RBMX2: variants seen among roughly 807,000 people sequenced by gnomAD.
The protein encoded by RBMX2 is RNA binding motif protein X-linked 2.
For missense variants in RBMX2, 191 were observed against 256.0 expected, an observed-to-expected ratio of 0.75 and a Z score of 1.73; for synonymous variants, 77 against 94.3, an observed-to-expected ratio of 0.82 and a Z score of 1.07.
At chrX:130,410,114 T>C in intron 4 of RBMX2, among the ~76,000 whole-genome samples, 1 of 111,519 alleles carries the variant, frequency 9.0e-6, no homozygotes, top group South Asian at 3.8e-4. Context: ...AGCTGGAGAT[T>C]ATAGAACAGA....
intron 1 of RBMX2, 30 bp from the exon 2 acceptor site, chrX:130,402,225 A>ACCCCGCCC: frequency 1.0e-6 from 1 of 984,795 alleles, no homozygotes; most frequent in Non-Finnish European, 1.4e-6. Context: ...TTTTCTGCCT[A>ACCCCGCCC]CCCTCCCCAC....
chrX:130,402,224 T>TTGCCC, intron 1 of RBMX2, 31 bp from the exon 2 acceptor site: 7 of 1,174,234 alleles, frequency 6.0e-6, no homozygotes, highest in South Asian at 1.9e-5. Context: ...CTTTTCTGCC[T>TTGCCC]ACCCTCCCCA....
Position 130,402,241 on chromosome X carries a change from C to G in RBMX2, c.6-14C>G, listed in dbSNP as rs775019578. The G allele has an allele frequency of 4.2e-6, 5 of 1,188,436 alleles. No individual in the cohort carries two copies. Among genetic ancestry groups the G allele is most frequent in the East Asian group, 6.0e-5 (2 of 33,288 alleles). On this transcript the variant is annotated splice_polypyrimidine_tract_variant and intron_variant, in intron 1 of 5. Coordinates refer to ENST00000305536, the MANE Select transcript of RBMX2 (RefSeq NM_016024.4). ...TTTCTGCCTACCCTCCCCACCCCCC[C>G]CGCCACCGTGAAGCCCTTTAACTAA...
At chrX:130,409,223 T>C in intron 3 of RBMX2, 34 bp from the exon 4 acceptor site, 1 of 1,158,612 alleles carries the variant, frequency 8.6e-7, no homozygotes, top group Middle Eastern at 3.0e-4. Flanking sequence ...GCCTTTTAAG[T>C]CAACAGTGTC....
chrX:130,406,198 T>C (rs1603271363), intron 3 of RBMX2, among the ~76,000 whole-genome samples: 1 of 110,298 alleles, frequency 9.1e-6, no homozygotes. Flanking sequence ...AACATCTGTT[T>C]ATAGATTTGC....
Position 130,412,540 on chromosome X carries a change from G to A in RBMX2, c.661G>A (p.Gly221Arg), listed in dbSNP as rs199972296. The A allele has an allele frequency of 2.3e-4, 279 of 1,206,259 alleles. No individual in the cohort carries two copies. Among genetic ancestry groups the A allele is most frequent in the Non-Finnish European group, 3.0e-4 (266 of 894,260 alleles). ...ERAQKSEPRE[G>R]QKLPKSRTAY... Reference sequence around the variant, plus strand: ...AGCTCAGAAGTCAGAGCCCAGGGAGGGGCAGAAGCTCCCCAAATCCAGGAC... The same window carrying A: ...AGCTCAGAAGTCAGAGCCCAGGGAGAGGCAGAAGCTCCCCAAATCCAGGAC... The change falls in exon 6 of 6, where the codon GGG (glycine) becomes AGG (arginine). Residue 221 changes from glycine (G) to arginine (R), a missense_variant. Physicochemically the swap from Gly to Arg is moderately radical, Grantham distance 125. Coordinates refer to ENST00000305536, the MANE Select transcript of RBMX2 (RefSeq NM_016024.4).
At position 130,412,584 on chromosome X, in the gene RBMX2, A is replaced by G; in HGVS notation, c.705A>G (p.Ala235=). 4 of 1,209,522 alleles carry G rather than the reference A, an allele frequency of 3.3e-6. No individual in the cohort carries two copies. ...PKSRTAYSGG[A]EDLERELKKE... is the part of the protein sequence containing the mutation. The stretch of plus-strand genomic sequence containing the variant: ...CCAGGACGGCCTACTCTGGTGGAGC[A>G]GAGGACCTAGAGAGGGAGCTGAAGA... Residue 235 remains alanine (A), a synonymous_variant, in exon 6 of 6, where the codon GCA becomes GCG. Transcript: ENST00000305536.
At chrX:130,405,837 T>C (rs868591837) in intron 3 of RBMX2, among the ~76,000 whole-genome samples, 1 of 17,624 alleles carries the variant, frequency 5.7e-5, no homozygotes, top group Admixed American at 6.0e-4. Context: ...CTTTGCCTTT[T>C]TTTTTTTTTT....
chrX:130,408,745 G>A (rs975361333), intron 3 of RBMX2, among the ~76,000 whole-genome samples: 3 of 111,455 alleles, frequency 2.7e-5, no homozygotes, highest in Non-Finnish European at 5.6e-5. Context: ...AGATATCTAT[G>A]TATCTAATAG....
At chrX:130,412,265 C>T (rs2034517035) in intron 5 of RBMX2, 96 bp from the exon 6 acceptor site, 5 of 1,015,013 alleles carry the variant, frequency 4.9e-6, no homozygotes, top group East Asian at 3.2e-5. Flanking sequence ...GTTGATGTAA[C>T]GTATTCAGAA....
rs763754000 is a variant in RBMX2 at position 130,409,186 on chromosome X, G to T, written c.174-71G>T. On this transcript the variant is annotated intron_variant, in intron 3 of 5. Coordinates refer to ENST00000305536, the MANE Select transcript of RBMX2 (RefSeq NM_016024.4). ...GTATACACTATATTATTTGAATTTT[G>T]TTTTATTACCTTATCTGCATGTTTT... 7 of 975,394 alleles carry T rather than the reference G, an allele frequency of 7.2e-6. No individual in the cohort carries two copies. The East Asian group carries it at 2.3e-4, about 31-fold the overall frequency. 80.4% of individuals were successfully genotyped at this position (975,394 alleles called of 1,213,427 possible).
At chrX:130,406,673 C>CAAAAAAAAAAAAAAAA (rs760646561) in intron 3 of RBMX2, among the ~76,000 whole-genome samples, 1 of 58,779 alleles carries the variant, frequency 1.7e-5, no homozygotes, top group African/African-American at 5.8e-5. Flanking sequence ...ACTCTGTCTC[C>CAAAAAAAAAAAAAAAA]AAAAAAAAAA....
At position 130,404,188 on chromosome X, in the gene RBMX2, C is replaced by A. The variant is rs1235545454; in HGVS notation, c.173+335C>A. Reference sequence around the variant, plus strand: ...CTAGGGGTAACCCATGGTCACAGGGCCCTTCTGGCCCTTACCTGTGTGGCG... The same window carrying A: ...CTAGGGGTAACCCATGGTCACAGGGACCTTCTGGCCCTTACCTGTGTGGCG... On this transcript the variant is annotated intron_variant, in intron 3 of 5. Transcript: ENST00000305536. The A allele has an allele frequency of 1.3e-5, 3 of 237,271 alleles. No individual in the cohort carries two copies. In the East Asian group the frequency reaches 2.0e-4, roughly 16 times the overall value. The allele number at this position is 237,271 out of a possible 1,213,427, so 19.6% of individuals were successfully genotyped here.
chrX:130,411,562 T>A (rs1170568239), intron 5 of RBMX2, 37 bp downstream of exon 5: 2 of 1,085,394 alleles, frequency 1.8e-6, no homozygotes, highest in Non-Finnish European at 1.2e-6. Context: ...TTCTGGGTGG[T>A]CTTAATGTCT....
intron 3 of RBMX2, among the ~76,000 whole-genome samples, chrX:130,407,140 T>G (rs1238935363): frequency 9.0e-6 from 1 of 111,005 alleles, no homozygotes; most frequent in African/African-American, 3.3e-5. Flanking sequence ...TATTCTTTTT[T>G]TTTTTTTAAT....
chrX:130,410,992 G>T (rs1016605064), intron 4 of RBMX2, among the ~76,000 whole-genome samples: 2 of 112,017 alleles, frequency 1.8e-5, no homozygotes, highest in Non-Finnish European at 3.8e-5. Context: ...GTGATTCATT[G>T]TGCATCTAAA....
chrX:130,412,962 TC>T lies in RBMX2; in HGVS notation c.*117del. 1.3e-6 allele frequency: 1 copy of T among 788,826 alleles called. No individual in the cohort carries two copies. 65.0% of individuals were successfully genotyped at this position (788,826 alleles called of 1,213,427 possible). ...AACTTCTGGGGCTGGATTCTTTTAA[TC>T]CCTTGACTATTTAGAGTCATTGGGA... On this transcript the variant is annotated 3_prime_UTR_variant, in exon 6 of 6. Transcript: ENST00000305536.
Position 130,412,860 on chromosome X carries a change from G to A in RBMX2, c.*12G>A. ...GTTGGCGTCACTGAAGACTTCAGCT[G>A]CACAGTAGATTTGGAAATAATTATG... On this transcript the variant is annotated 3_prime_UTR_variant, in exon 6 of 6. Coordinates refer to ENST00000305536, the MANE Select transcript of RBMX2 (RefSeq NM_016024.4). 1.7e-6 allele frequency: 2 copies of A among 1,182,538 alleles called. No homozygotes were observed. The highest frequency in any genetic ancestry group is 6.0e-5 in the East Asian group (2 of 33,544).
Position 130,413,356 on chromosome X carries a change from C to T in RBMX2, c.*508C>T, listed in dbSNP as rs1359391969. On this transcript the variant is annotated 3_prime_UTR_variant, in exon 6 of 6. Coordinates refer to ENST00000305536, the MANE Select transcript of RBMX2 (RefSeq NM_016024.4). The stretch of plus-strand genomic sequence containing the variant: ...TTTTTGTTCGATATGCCTCTTTCCA[C>T]ATTTTTTCCTTGCAATGTATTTATT... 5.3e-5 allele frequency: 6 copies of T among 112,668 alleles called. No individual in the cohort carries two copies. In the Admixed American group the frequency reaches 5.6e-4, roughly 11 times the overall value. The allele number at this position is 112,668 out of a possible 1,213,427, so 9.3% of individuals were successfully genotyped here. A position where few individuals can be genotyped will look rare whatever the true frequency, so the allele number is the denominator to read the frequency against.
Sources: allele counts gnomAD v4.1 joint callset (sites outside exome capture counted in the v4.1 genomes callset), GRCh38; gene constraint gnomAD v4.1.1; transcripts MANE v1.5; gene names NCBI Gene and HGNC (gene_info 2026-07-23, HGNC 2026-07-21).